The following SRGAP2C variants were observed in gnomAD, a reference collection of about 807,000 sequenced individuals.
SRGAP2C encodes the protein SLIT-ROBO Rho GTPase activating protein 2C.
Under a neutral mutation model 25.1 loss-of-function variants are expected in SRGAP2C, and 15 were observed. The ratio of observed to expected loss-of-function variants is 0.60; its 90% CI spans 0.40 to 0.92. The LOEUF (loss-of-function observed/expected upper bound fraction) is 0.92. Ranked by LOEUF, SRGAP2C falls within the 40% of genes least tolerant of loss-of-function variation. The pLI, the probability that SRGAP2C is intolerant of heterozygous loss-of-function variation, is 0.00. For synonymous variants in SRGAP2C, 44 were observed against 96.6 expected, an observed-to-expected ratio of 0.46 and a Z score of 3.19; for missense variants, 144 against 264.4, an observed-to-expected ratio of 0.54 and a Z score of 3.16.
chr1:121,335,460 ATTTT>A (rs1162681731), intron 4 of SRGAP2C, among the ~76,000 whole-genome samples: 1 of 95,080 alleles, frequency 1.1e-5, no homozygotes, highest in Non-Finnish European at 2.1e-5. Flanking sequence ...TTTATTTCAG[ATTTT>A]TTTTTTTTTT....
chr1:121,263,670 C>A (rs1553333879), intron 2 of SRGAP2C, among the ~76,000 whole-genome samples: 2 of 151,768 alleles, frequency 1.3e-5, no homozygotes, highest in African/African-American at 4.8e-5. Flanking sequence ...AGCCTAGAAC[C>A]AGATTGAATC....
At chr1:121,212,289 C>T (rs1172147050) in intron 2 of SRGAP2C, among the ~76,000 whole-genome samples, 2 of 146,204 alleles carry the variant, frequency 1.4e-5, no homozygotes, top group Non-Finnish European at 3.0e-5. Flanking sequence ...CGCCACCACG[C>T]TCGGCTAATT....
chr1:121,392,201 T>C lies in SRGAP2C; in HGVS notation c.*4346T>C, dbSNP rs1381549330. Reference sequence around the variant, plus strand: ...AGACTAATGAATTTGTGGGACATCATCAAATAGACCAACATTCATATTCTA... The same window carrying C: ...AGACTAATGAATTTGTGGGACATCACCAAATAGACCAACATTCATATTCTA... On this transcript the variant is annotated 3_prime_UTR_variant, in exon 10 of 10. Coordinates refer to ENST00000367123, the MANE Select transcript of SRGAP2C (RefSeq NM_001329984.2). The C allele has an allele frequency of 1.3e-5, 2 of 152,190 alleles. No individual in the cohort carries two copies. Among genetic ancestry groups the C allele is most frequent in the Admixed American group, 6.5e-5 (1 of 15,280 alleles). The allele number at this position is 152,190 out of a possible 1,614,324, so 9.4% of individuals were successfully genotyped here.
In SRGAP2C at chr1:121,285,400, T is replaced by TCA. The variant is rs1206046698; in HGVS notation, c.260+406_260+407insAC. On this transcript the variant is annotated intron_variant, in intron 3 of 9. Coordinates refer to ENST00000367123, the MANE Select transcript of SRGAP2C (RefSeq NM_001329984.2). The stretch of plus-strand genomic sequence containing the variant: ...GTCTATCTTAATCTCTGTCTCTCTC[T>TCA]CTCTCACACACACACACACACACAC... Among the ~76,000 whole-genome samples the TCA allele has an allele frequency of 6.2e-5, 4 of 64,522 alleles. No individual in the cohort carries two copies. In the Middle Eastern group the frequency reaches 0.02, roughly 318 times the overall value. The allele number at this position is 64,522 out of a possible 152,430, so 42.3% of individuals were successfully genotyped here. A position where few individuals can be genotyped will look rare whatever the true frequency, so the allele number is the denominator to read the frequency against.
chr1:121,312,927 G>A (rs1657998316), intron 3 of SRGAP2C, among the ~76,000 whole-genome samples: 1 of 29,600 alleles, frequency 3.4e-5, no homozygotes, highest in Non-Finnish European at 6.6e-5. Flanking sequence ...GAGTTCTGTA[G>A]ATGTCTATTA....
In SRGAP2C at chr1:121,232,865, T is replaced by C. The variant is rs1402928167; in HGVS notation, c.67+45352T>C. 2.7e-5 allele frequency among the ~76,000 whole-genome samples: 4 copies of C among 146,618 alleles called. No homozygotes were observed. In the East Asian group the frequency reaches 8.3e-4, roughly 31 times the overall value. ...CAAAATAAGAAAGGCCAGAAAAGTT[T>C]AGGACAGTTTTCTGAGACACTCAGC... On this transcript the variant is annotated intron_variant, in intron 2 of 9. Transcript: ENST00000367123.
At chr1:121,236,845 AG>A (rs1413896662) in intron 2 of SRGAP2C, among the ~76,000 whole-genome samples, 2 of 109,816 alleles carry the variant, frequency 1.8e-5, no homozygotes, top group East Asian at 5.4e-4. Context: ...AATGGTGTTT[AG>A]TAGGTCATCA....
intron 2 of SRGAP2C, among the ~76,000 whole-genome samples, chr1:121,263,228 G>T (rs1161573445): frequency 6.6e-6 from 1 of 150,574 alleles, no homozygotes; most frequent in Non-Finnish European, 1.5e-5. Flanking sequence ...AGAGGCTGAG[G>T]CATGGGAATC....
intron 4 of SRGAP2C, among the ~76,000 whole-genome samples, chr1:121,335,389 A>ATC (rs1658491844): frequency 1.1e-3 from 148 of 139,374 alleles, no homozygotes; most frequent in Middle Eastern, 3.5e-3. Context: ...TAAATAAATA[A>ATC]AACAACCAAT....
chr1:121,305,337 G>A (rs1176464334), intron 3 of SRGAP2C, among the ~76,000 whole-genome samples: 297 of 100,742 alleles, frequency 2.9e-3, no homozygotes, highest in African/African-American at 0.011. Context: ...ATGAAGCCCC[G>A]GGGCACTGCA....
Position 121,306,047 on chromosome 1 carries a change from G to T in SRGAP2C, c.261-18431G>T, listed in dbSNP as rs1657822657. ...TACCCTTTTAAAATCTTCCATCTAG[G>T]ACTAGGGACCTTATGTCCTTATGTC... On this transcript the variant is annotated intron_variant, in intron 3 of 9. Coordinates refer to ENST00000367123, the MANE Select transcript of SRGAP2C (RefSeq NM_001329984.2). Among the ~76,000 whole-genome samples, 8 of 152,284 alleles carry T rather than the reference G, an allele frequency of 5.3e-5. No homozygotes were observed. The South Asian group carries it at 1.7e-3, about 32-fold the overall frequency.
At position 121,363,903 on chromosome 1, in the gene SRGAP2C, C is replaced by A. The variant is rs587761419; in HGVS notation, c.424-1390C>A. Reference sequence around the variant, plus strand: ...CTTAGTGGTAGGAATTTAAGAGTTACTTTTGTTTTCTTTTTTGAGGTTTTC... The same window carrying A: ...CTTAGTGGTAGGAATTTAAGAGTTAATTTTGTTTTCTTTTTTGAGGTTTTC... On this transcript the variant is annotated intron_variant, in intron 4 of 9. Coordinates refer to ENST00000367123, the MANE Select transcript of SRGAP2C (RefSeq NM_001329984.2). Among the ~76,000 whole-genome samples, 3 of 151,480 alleles carry A rather than the reference C, an allele frequency of 2.0e-5. No individual in the cohort carries two copies. In the South Asian group the frequency reaches 6.2e-4, roughly 32 times the overall value.
intron 3 of SRGAP2C, among the ~76,000 whole-genome samples, chr1:121,321,862 A>C (rs1658211908): frequency 6.6e-6 from 1 of 152,142 alleles, no homozygotes; most frequent in South Asian, 2.1e-4. Flanking sequence ...CCATGGTGTT[A>C]GGTTGATTTT....
intron 3 of SRGAP2C, among the ~76,000 whole-genome samples, chr1:121,287,950 G>A (rs1171278253): frequency 2.6e-5 from 4 of 151,408 alleles, no homozygotes; most frequent in Non-Finnish European, 4.4e-5. Context: ...GAGTGTTACA[G>A]CTCATAAAAG....
At chr1:121,216,000 T>A (rs1339247432) in intron 2 of SRGAP2C, among the ~76,000 whole-genome samples, 3 of 152,056 alleles carry the variant, frequency 2.0e-5, no homozygotes, top group Non-Finnish European at 4.4e-5. Context: ...TGATGTTGAC[T>A]CCTTGACCTT....
At chr1:121,192,287 G>T (rs1466930450) in intron 2 of SRGAP2C, among the ~76,000 whole-genome samples, 1 of 151,858 alleles carries the variant, frequency 6.6e-6, no homozygotes, top group Non-Finnish European at 1.5e-5. Flanking sequence ...AGTTTGAAAA[G>T]CTGCAGTAAA....
chr1:121,359,854 A>G (rs1553348240), intron 4 of SRGAP2C, among the ~76,000 whole-genome samples: 76 of 152,378 alleles, frequency 5.0e-4, no homozygotes, highest in Admixed American at 9.1e-4. Context: ...GTAGAGGTGA[A>G]GCCAGCTGGA....
intron 2 of SRGAP2C, among the ~76,000 whole-genome samples, chr1:121,268,349 C>T (rs1234409294): frequency 3.3e-5 from 5 of 151,274 alleles, no homozygotes; most frequent in African/African-American, 1.2e-4. Context: ...TGTTCTATGA[C>T]CAGAGAGGCC....
Position 121,185,064 on chromosome 1 carries a change from G to T in SRGAP2C, c.-603G>T. On this transcript the variant is annotated 5_prime_UTR_variant, in exon 1 of 10. Coordinates refer to ENST00000367123, the MANE Select transcript of SRGAP2C (RefSeq NM_001329984.2). Reference sequence around the variant, plus strand: ...AGAAACGGGTGGCGGGGAAGAGAGGGGAGGAGAGCTCTGAGTGGGAAGCGG... The same window carrying T: ...AGAAACGGGTGGCGGGGAAGAGAGGTGAGGAGAGCTCTGAGTGGGAAGCGG... 2 of 503,892 alleles carry T rather than the reference G, an allele frequency of 4.0e-6. No homozygotes were observed. The highest frequency in any genetic ancestry group is 7.0e-6 in the Non-Finnish European group (2 of 284,700). 31.2% of individuals were successfully genotyped at this position (503,892 alleles called of 1,614,324 possible). A position where few individuals can be genotyped will look rare whatever the true frequency, so the allele number is the denominator to read the frequency against.
Sources: gnomAD v4.1 joint callset for allele counts (sites outside exome capture counted in the v4.1 genomes callset) on GRCh38, gnomAD v4.1.1 for gene constraint, MANE v1.5 for transcripts, NCBI Gene and HGNC (gene_info 2026-07-23, HGNC 2026-07-21) for gene names.